The following ARMH4 variants were observed in gnomAD, a reference collection of about 807,000 sequenced individuals.
ARMH4 encodes the protein armadillo-like helical domain-containing protein 4.
Under a neutral mutation model 61.9 loss-of-function variants are expected in ARMH4, and 49 were observed. The observed-to-expected ratio is 0.79, with a 90% confidence interval of 0.63 to 1.00. The LOEUF (loss-of-function observed/expected upper bound fraction) is 1.00. Among genes scored for constraint, ARMH4 ranks in the 50% least tolerant of loss-of-function variants. The pLI is 0.00. For synonymous variants in ARMH4, 368 were observed against 341.5 expected (o/e 1.08, Z -0.85); for missense variants, 934 against 930.0 (o/e 1.00, Z -0.06).
At chr14:58,100,968 C>A in intron 4 of ARMH4, 1 of 166,210 alleles carries the variant, frequency 6.0e-6, no homozygotes, top group South Asian at 1.8e-4. Context: ...GACAGACATC[C>A]AAAGGAAAAG....
At chr14:58,053,232 C>T (rs574521229) in intron 5 of ARMH4, among the ~76,000 whole-genome samples, 2 of 152,242 alleles carry the variant, frequency 1.3e-5, no homozygotes, top group African/African-American at 4.8e-5. Context: ...CGGAGTGATG[C>T]CTTTAAAATT....
In ARMH4 at chr14:58,139,007, C is replaced by T. The variant is rs367633650; in HGVS notation, c.352G>A (p.Gly118Ser). Residue 118 changes from glycine (G) to serine (S), a missense_variant, in exon 2 of 8, where the codon GGT (glycine) becomes AGT (serine). Coordinates refer to ENST00000267485, the MANE Select transcript of ARMH4 (RefSeq NM_001001872.4). ...RPGVSTPTES[G>S]VPSAEEVFGS... ...AATACTTCTTCAGCTGAGGGGACACCTGACTCAGTAGGTGTGGAAACACCA... is the reference window on the plus strand; with the variant it reads ...AATACTTCTTCAGCTGAGGGGACACTTGACTCAGTAGGTGTGGAAACACCA... The T allele has an allele frequency of 4.6e-5, 75 of 1,614,212 alleles. No individual in the cohort carries two copies. In the African/African-American group the frequency reaches 9.3e-4, roughly 20 times the overall value.
Position 58,138,234 on chromosome 14 carries a change from G to A in ARMH4, c.1125C>T (p.His375=). 1.9e-6 allele frequency: 3 copies of A among 1,614,216 alleles called. No individual in the cohort carries two copies. Among genetic ancestry groups the A allele is most frequent in the South Asian group, 1.1e-5 (1 of 91,090 alleles). Residue 375 remains histidine (H), a synonymous_variant, in exon 2 of 8, where the codon CAC becomes CAT. Transcript: ENST00000267485. ...GCGCTATTAGCAGGGCTGTGCCCGT[G>A]TGTGTTTCCCCTTCAGGCAGCCCCA... ...VALGLPEGET[H]TGTALLIAHG...
In ARMH4 at chr14:58,009,021, A is replaced by C. The variant is rs1882287668; in HGVS notation, c.2121+3098T>G. 2.0e-5 allele frequency among the ~76,000 whole-genome samples: 3 copies of C among 152,214 alleles called. No homozygotes were observed. In the South Asian group the frequency reaches 6.2e-4, roughly 32 times the overall value. On this transcript the variant is annotated intron_variant, in intron 6 of 7. Coordinates refer to ENST00000267485, the MANE Select transcript of ARMH4 (RefSeq NM_001001872.4). ...TAAAACTTGCCTAACAAGGATCACCAACTTGGATTAGCCAAGAAGACAGTT... is the reference window on the plus strand; with the variant it reads ...TAAAACTTGCCTAACAAGGATCACCCACTTGGATTAGCCAAGAAGACAGTT...
chr14:58,063,572 T>G (rs1452802722), intron 5 of ARMH4, among the ~76,000 whole-genome samples: 1 of 150,380 alleles, frequency 6.6e-6, no homozygotes, highest in Non-Finnish European at 1.5e-5. Flanking sequence ...TCTGATTATC[T>G]GCATCCCAAG....
rs184660825 is a variant in ARMH4 at position 58,075,260 on chromosome 14, T to C, written c.2089+21464A>G. Among the ~76,000 whole-genome samples the C allele has an allele frequency of 3.6e-3, 554 of 152,274 alleles. 3 individuals are homozygous for C. Among genetic ancestry groups the C allele is most frequent in the Non-Finnish European group, 6.5e-3 (444 of 68,014 alleles). On this transcript the variant is annotated intron_variant, in intron 5 of 7. Coordinates refer to ENST00000267485, the MANE Select transcript of ARMH4 (RefSeq NM_001001872.4). Reference sequence around the variant, plus strand: ...CCCAGCAATCCCACTACTGGGTATATACCCAAAGGATTATAAATCATTCTA... The same window carrying C: ...CCCAGCAATCCCACTACTGGGTATACACCCAAAGGATTATAAATCATTCTA...
At chr14:58,029,235 CTT>C (rs760032303) in intron 5 of ARMH4, among the ~76,000 whole-genome samples, 2 of 145,188 alleles carry the variant, frequency 1.4e-5, no homozygotes, top group African/African-American at 2.5e-5. Context: ...CTTAGCATAA[CTT>C]TTTTTTTTTT....
At chr14:58,033,007 G>C (rs1462880023) in intron 5 of ARMH4, among the ~76,000 whole-genome samples, 2 of 128,958 alleles carry the variant, frequency 1.6e-5, no homozygotes, top group African/African-American at 2.9e-5. Context: ...GCTTGCTTAG[G>C]TAAACAAAGC....
rs117512231 is a variant in ARMH4, at chr14:58,017,331, A to G, written c.2090-5181T>C. Reference sequence around the variant, plus strand: ...CCTGTCTCAAAATAATAAGAGGAAGAACTTAAATTGTCGCTGTTTGCAGAT... The same window carrying G: ...CCTGTCTCAAAATAATAAGAGGAAGGACTTAAATTGTCGCTGTTTGCAGAT... On this transcript the variant is annotated intron_variant, in intron 5 of 7. Transcript: ENST00000267485. 2.1e-3 allele frequency among the ~76,000 whole-genome samples: 320 copies of G among 152,282 alleles called. 2 individuals are homozygous for G. Among genetic ancestry groups the G allele is most frequent in the South Asian group, 5.2e-3 (25 of 4,830 alleles).
chr14:58,019,891 A>G (rs1452018050), intron 5 of ARMH4, among the ~76,000 whole-genome samples: 2 of 152,294 alleles, frequency 1.3e-5, no homozygotes, highest in South Asian at 2.1e-4. Context: ...AAAGTATCCC[A>G]AACTGTTTAT....
chr14:58,140,473 C>T (rs916742307), intron 1 of ARMH4, among the ~76,000 whole-genome samples: 21 of 151,142 alleles, frequency 1.4e-4, no homozygotes, highest in Middle Eastern at 3.2e-3. Flanking sequence ...CCCAGCTGCT[C>T]GGGAGGCTGA....
chr14:58,074,291 C>A (rs1594740978), intron 5 of ARMH4, among the ~76,000 whole-genome samples: 1 of 152,092 alleles, frequency 6.6e-6, no homozygotes, highest in East Asian at 1.9e-4. Flanking sequence ...ATTCATCTAC[C>A]ATTTGACAAG....
chr14:58,042,401 T>C (rs955559641), intron 5 of ARMH4, among the ~76,000 whole-genome samples: 3 of 152,058 alleles, frequency 2.0e-5, no homozygotes, highest in African/African-American at 2.4e-5. Flanking sequence ...TTAAAACCAA[T>C]GAGAACAAAG....
At chr14:58,044,770 A>G (rs577496993) in intron 5 of ARMH4, among the ~76,000 whole-genome samples, 3 of 152,280 alleles carry the variant, frequency 2.0e-5, no homozygotes, top group Admixed American at 6.6e-5. Flanking sequence ...AATTTACAAG[A>G]AAAAAACAAC....
intron 1 of ARMH4, chr14:58,141,764 A>G (rs563022646): frequency 5.6e-6 from 1 of 180,104 alleles, no homozygotes; most frequent in East Asian, 1.6e-4. Flanking sequence ...GCAGAAAAAA[A>G]GAAAAGAAAA....
chr14:58,017,177 G>A (rs1378419037), intron 5 of ARMH4, among the ~76,000 whole-genome samples: 2 of 152,070 alleles, frequency 1.3e-5, no homozygotes, highest in Non-Finnish European at 2.9e-5. Flanking sequence ...TTAGCTGGGT[G>A]TAGTGGCACA....
At chr14:58,013,040 T>C (rs1047727200) in intron 5 of ARMH4, among the ~76,000 whole-genome samples, 54 of 152,224 alleles carry the variant, frequency 3.5e-4, no homozygotes, top group Admixed American at 3.5e-3. Context: ...AAATATATTC[T>C]CATTTTACCT....
intron 5 of ARMH4, among the ~76,000 whole-genome samples, chr14:58,075,973 T>TA (rs1885032226): frequency 1.3e-5 from 2 of 151,202 alleles, no homozygotes; most frequent in East Asian, 3.9e-4. Flanking sequence ...TGGTACTTAT[T>TA]AAAAACACAA....
Position 58,026,434 on chromosome 14 carries a change from G to A in ARMH4, c.2090-14284C>T, listed in dbSNP as rs115402652. 5.4e-3 allele frequency among the ~76,000 whole-genome samples: 820 copies of A among 152,212 alleles called. 10 individuals are homozygous for A. Among genetic ancestry groups the A allele is most frequent in the African/African-American group, 0.018 (761 of 41,534 alleles). ...TGATTTTACCACCCAGCAGCAACAA[G>A]TGCATGCTCAGGGAAACTGAAATTC... On this transcript the variant is annotated intron_variant, in intron 5 of 7. Transcript: ENST00000267485.
Sources: allele counts gnomAD v4.1 joint callset (sites outside exome capture counted in the v4.1 genomes callset), GRCh38; gene constraint gnomAD v4.1.1; transcripts MANE v1.5; gene names NCBI Gene and HGNC (gene_info 2026-07-23, HGNC 2026-07-21).